The following ZMAT4 variants were observed in gnomAD, a reference collection of about 807,000 sequenced individuals.
The protein encoded by ZMAT4 is zinc finger matrin-type 4, also known as zinc finger matrin-type protein 4.
A neutral mutation model predicts 28.7 loss-of-function variants in ZMAT4; 17 were observed. The observed-to-expected ratio is 0.59, with a 90% CI of 0.41 to 0.89. The LOEUF (loss-of-function observed/expected upper bound fraction) is 0.89, where lower values mean the gene tolerates loss of function less well. Ranked by LOEUF, ZMAT4 falls within the 40% of genes least tolerant of loss-of-function variation. The probability of loss-of-function intolerance (pLI) is 0.00; values close to 1 mark genes in which losing one functional copy is unlikely to be tolerated. For missense variants in ZMAT4, 240 were observed against 283.8 expected (o/e 0.85, Z 1.11); for synonymous variants, 117 against 109.2 (o/e 1.07, Z -0.44).
chr8:40,552,252 C>A (rs778979235), intron 6 of ZMAT4, among the ~76,000 whole-genome samples: 20 of 152,228 alleles, frequency 1.3e-4, no homozygotes, highest in Non-Finnish European at 2.5e-4. Context: ...CAATGTACAC[C>A]CTTTAGGTCA....
chr8:40,880,240 A>G (rs902538715), intron 1 of ZMAT4, among the ~76,000 whole-genome samples: 2 of 151,758 alleles, frequency 1.3e-5, no homozygotes, highest in African/African-American at 2.4e-5. Flanking sequence ...GTCGTGGCAC[A>G]TGCCTGTAAT....
chr8:40,652,497 A>G (rs12216787), intron 5 of ZMAT4, among the ~76,000 whole-genome samples: 4,736 of 32,858 alleles, frequency 0.14, 478 homozygotes, highest in Admixed American at 0.2. Context: ...ACTGTAAACT[A>G]GTTCAACCAC....
intron 3 of ZMAT4, among the ~76,000 whole-genome samples, chr8:40,744,132 T>A (rs997750852): frequency 1.3e-5 from 2 of 152,334 alleles, no homozygotes; most frequent in Middle Eastern, 3.4e-3. Context: ...GGCCTCTTTA[T>A]GACAAGTCCC....
chr8:40,546,756 G>A (rs1803215517), intron 6 of ZMAT4, among the ~76,000 whole-genome samples: 2 of 152,302 alleles, frequency 1.3e-5, no homozygotes, highest in South Asian at 4.1e-4. Context: ...CTCGGTGTGA[G>A]CTGCAAATGC....
At chr8:40,713,622 A>C (rs1810717128) in intron 3 of ZMAT4, among the ~76,000 whole-genome samples, 1 of 152,144 alleles carries the variant, frequency 6.6e-6, no homozygotes, top group Admixed American at 6.6e-5. Flanking sequence ...AAATATACAT[A>C]TCCAGGCCAG....
At chr8:40,701,715 AC>A (rs1250810226) in intron 3 of ZMAT4, among the ~76,000 whole-genome samples, 1 of 151,406 alleles carries the variant, frequency 6.6e-6, no homozygotes, top group African/African-American at 2.4e-5. Flanking sequence ...ATGGGGTTTC[AC>A]CATGTTGGCC....
At chr8:40,592,832 A>T (rs1804942143) in intron 5 of ZMAT4, among the ~76,000 whole-genome samples, 1 of 152,242 alleles carries the variant, frequency 6.6e-6, no homozygotes, top group South Asian at 2.1e-4. Context: ...TGAGCAAATC[A>T]TCTTCAGACA....
intron 6 of ZMAT4, among the ~76,000 whole-genome samples, chr8:40,563,855 A>G (rs1433634205): frequency 6.6e-6 from 1 of 152,070 alleles, no homozygotes; most frequent in African/African-American, 2.4e-5. Context: ...AACTGGGGTG[A>G]TGCTGGTAGG....
intron 2 of ZMAT4, among the ~76,000 whole-genome samples, chr8:40,802,481 A>T (rs911448286): frequency 6.6e-6 from 1 of 152,054 alleles, no homozygotes; most frequent in Non-Finnish European, 1.5e-5. Flanking sequence ...TTAGCACACA[A>T]AAACTTATTT....
At chr8:40,608,196 G>A (rs553637415) in intron 5 of ZMAT4, among the ~76,000 whole-genome samples, 1 of 152,218 alleles carries the variant, frequency 6.6e-6, no homozygotes, top group South Asian at 2.1e-4. Flanking sequence ...ACCATCAGAT[G>A]GGGGCAGGAT....
chr8:40,621,296 C>T (rs1188341515), intron 5 of ZMAT4, among the ~76,000 whole-genome samples: 2 of 152,204 alleles, frequency 1.3e-5, no homozygotes, highest in African/African-American at 4.8e-5. Context: ...TGTTGAAATA[C>T]TTAGGTGAGA....
chr8:40,762,319 T>C (rs1812976202), intron 3 of ZMAT4, among the ~76,000 whole-genome samples: 1 of 152,116 alleles, frequency 6.6e-6, no homozygotes, highest in South Asian at 2.1e-4. Context: ...AATCCAGTTA[T>C]TGGTGTCCTT....
chr8:40,620,338 C>T (rs917505539), intron 5 of ZMAT4, among the ~76,000 whole-genome samples: 2 of 152,340 alleles, frequency 1.3e-5, no homozygotes, highest in African/African-American at 2.4e-5. Flanking sequence ...TGTCAGAAGA[C>T]GCTTTCTTCC....
Position 40,674,925 on chromosome 8 carries a change from G to T in ZMAT4, c.356C>A (p.Pro119His), listed in dbSNP as rs769057675. ...CCGTGGGGGCTTAAGTGGGCTCAGG[G>T]GTGTTGCTGTGAAAGGAAACAACCA... ...EKTPLKTTAT[P>H]LSPLKPPRMD... The change falls in exon 5 of 7, where the codon CCC becomes CAC. Residue 119 changes from proline (P) to histidine (H), a missense_variant. Pro to His is a moderately conservative substitution (Grantham distance 77). Coordinates refer to ENST00000297737, the MANE Select transcript of ZMAT4 (RefSeq NM_024645.3). The T allele has an allele frequency of 5.6e-6, 9 of 1,611,768 alleles. No homozygotes were observed. Among genetic ancestry groups the T allele is most frequent in the Non-Finnish European group, 7.6e-6 (9 of 1,179,366 alleles).
At chr8:40,796,382 A>G (rs1814600909) in intron 2 of ZMAT4, among the ~76,000 whole-genome samples, 1 of 152,336 alleles carries the variant, frequency 6.6e-6, no homozygotes, top group South Asian at 2.1e-4. Flanking sequence ...ATGAAAACAA[A>G]AAAACATTGA....
At chr8:40,877,217 C>T (rs1346811364) in intron 1 of ZMAT4, among the ~76,000 whole-genome samples, 1 of 152,192 alleles carries the variant, frequency 6.6e-6, no homozygotes, top group African/African-American at 2.4e-5. Flanking sequence ...TCCCTCACAG[C>T]CCTCAGAAGA....
intron 4 of ZMAT4, among the ~76,000 whole-genome samples, chr8:40,689,538 T>G (rs757785151): frequency 6.6e-6 from 1 of 152,200 alleles, no homozygotes; most frequent in Non-Finnish European, 1.5e-5. Flanking sequence ...AATGTATAGA[T>G]ATTTCAAAGA....
intron 1 of ZMAT4, among the ~76,000 whole-genome samples, chr8:40,881,601 A>AG (rs35552348): frequency 5.3e-5 from 8 of 150,602 alleles, no homozygotes; most frequent in African/African-American, 1.7e-4. Flanking sequence ...AAAGAAAGAA[A>AG]AGAAAAGAAA....
chr8:40,706,089 G>A (rs868402782), intron 3 of ZMAT4, among the ~76,000 whole-genome samples: 2 of 151,682 alleles, frequency 1.3e-5, no homozygotes, highest in African/African-American at 2.4e-5. Context: ...ACAGAGTCTC[G>A]CTCTGTCACC....
Sources: gnomAD v4.1 joint callset for allele counts (sites outside exome capture counted in the v4.1 genomes callset) on GRCh38, gnomAD v4.1.1 for gene constraint, MANE v1.5 for transcripts, NCBI Gene and HGNC (gene_info 2026-07-23, HGNC 2026-07-21) for gene names.